Variants in SELENOO observed in about 807,000 individuals in gnomAD.
The protein encoded by SELENOO is selenoprotein O.
In SELENOO, 74 loss-of-function variants were observed where a neutral mutation model predicts 58.7. That is an observed-to-expected ratio of 1.26 (90% CI 1.04 to 1.53). SELENOO has a LOEUF of 1.53. Ranked by LOEUF, SELENOO falls within the 40% of genes most tolerant of loss-of-function variation. The pLI is 0.00. For missense variants in SELENOO, 1,149 were observed against 970.0 expected (o/e 1.18, Z -2.45); for synonymous variants, 543 against 453.2 (o/e 1.20, Z -2.52).
chr22:50,202,838 C>T (rs1056042536), intron 1 of SELENOO, among the ~76,000 whole-genome samples: 2 of 152,168 alleles, frequency 1.3e-5, no homozygotes, highest in Admixed American at 6.5e-5. Flanking sequence ...GGGTCCCTGG[C>T]CTCACCAGTT....
intron 5 of SELENOO, 132 bp from the exon 6 acceptor site, chr22:50,215,570 TGCTGGCGGTGGGGGG>T: frequency 1.9e-6 from 1 of 520,370 alleles, no homozygotes; most frequent in Non-Finnish European, 3.3e-6. Flanking sequence ...TGTGGATCCG[TGCTGGCGGTGGGGGG>T]CGGTGGTGGA....
chr22:50,210,735 C>T lies in SELENOO; in HGVS notation c.1175C>T (p.Ala392Val). 6.2e-7 allele frequency: 1 copy of T among 1,613,546 alleles called. No homozygotes were observed. The highest frequency in any genetic ancestry group is 8.5e-7 in the Non-Finnish European group (1 of 1,180,002). ...TGGAACCTGCGGAAGCTGGCCGAGG[C>T]CCTGCAGCCGGAACTGCCCCTGGAG... ...CRWNLRKLAE[A>V]LQPELPLELG... The change falls in exon 5 of 9, where the codon GCC becomes GTC. Residue 392 changes from alanine (A) to valine (V), a missense_variant. Ala to Val is a moderately conservative substitution (Grantham distance 64). Coordinates refer to ENST00000380903, the MANE Select transcript of SELENOO (RefSeq NM_031454.2).
In SELENOO at chr22:50,215,782, C is replaced by T; in HGVS notation, c.1417C>T (p.Leu473=). 1.9e-6 allele frequency: 3 copies of T among 1,612,654 alleles called. No individual in the cohort carries two copies. Among genetic ancestry groups the T allele is most frequent in the Non-Finnish European group, 2.5e-6 (3 of 1,179,318 alleles). The part of the protein sequence containing the change: ...SFPVELESPG[L]AEFLARLMEQ... ...CCCAGTGGAGCTAGAGTCGCCAGGC[C>T]TGGCGGAATTCCTGGCCAGGCTGAT... Residue 473 remains leucine (L), a synonymous_variant, in exon 6 of 9, where the codon CTG becomes TTG. Transcript: ENST00000380903.
chr22:50,216,086 C>T (rs1569105295), intron 6 of SELENOO, among the ~76,000 whole-genome samples: 3 of 152,122 alleles, frequency 2.0e-5, no homozygotes, highest in Admixed American at 2.0e-4. Flanking sequence ...GGTGTGGGGG[C>T]AGACAGTGGT....
In SELENOO at chr22:50,215,702, C is replaced by T; in HGVS notation, c.1352-15C>T. The T allele has an allele frequency of 6.4e-7, 1 of 1,574,354 alleles. No individual in the cohort carries two copies. Among genetic ancestry groups the T allele is most frequent in the Non-Finnish European group, 8.7e-7 (1 of 1,153,856 alleles). ...GGCCTTCTGCTTCCAGCTCCCTGAG[C>T]AGCCTGTGTTCCAGGTGCCGACTTC... On this transcript the variant is annotated splice_polypyrimidine_tract_variant and intron_variant, in intron 5 of 8. Coordinates refer to ENST00000380903, the MANE Select transcript of SELENOO (RefSeq NM_031454.2).
In SELENOO at chr22:50,203,792, C is replaced by T. The variant is rs376404938; in HGVS notation, c.554+2202C>T. On this transcript the variant is annotated intron_variant, in intron 1 of 8. Coordinates refer to ENST00000380903, the MANE Select transcript of SELENOO (RefSeq NM_031454.2). Reference sequence around the variant, plus strand: ...TGCCTCATGACATTGGATTTGGCAGCGTTCTTGGCTGTGACACAAAAGGCA... The same window carrying T: ...TGCCTCATGACATTGGATTTGGCAGTGTTCTTGGCTGTGACACAAAAGGCA... 6.6e-5 allele frequency among the ~76,000 whole-genome samples: 10 copies of T among 152,250 alleles called. No homozygotes were observed. The South Asian group carries it at 1.5e-3, about 22-fold the overall frequency.
rs1177342924 is a variant in SELENOO at position 50,215,818 on chromosome 22, G to A, written c.1453G>A (p.Ala485Thr). The A allele has an allele frequency of 3.1e-6, 5 of 1,612,586 alleles. No homozygotes were observed. The South Asian group carries it at 4.4e-5, about 14-fold the overall frequency. The stretch of plus-strand genomic sequence containing the variant: ...CCTGGCCAGGCTGATGGAGCAGTGT[G>A]CCTCCCTGGAGGAGCTGAGGCTGGC... ...EFLARLMEQCASLEELRLAFR... is the reference protein window; with the variant it reads ...EFLARLMEQCTSLEELRLAFR... The change falls in exon 6 of 9, where the codon GCC becomes ACC. Residue 485 changes from alanine to threonine, a missense_variant. Physicochemically the swap from Ala to Thr is moderately conservative, Grantham distance 58 (BLOSUM62 0). Coordinates refer to ENST00000380903, the MANE Select transcript of SELENOO (RefSeq NM_031454.2).
At chr22:50,206,837 C>T (rs757925101) in intron 2 of SELENOO, among the ~76,000 whole-genome samples, 1 of 152,160 alleles carries the variant, frequency 6.6e-6, no homozygotes, top group Non-Finnish European at 1.5e-5. Context: ...CTCAAAGCAC[C>T]AGCAGGGGGC....
intron 5 of SELENOO, among the ~76,000 whole-genome samples, chr22:50,211,807 GA>G (rs1160108585): frequency 6.6e-6 from 1 of 152,156 alleles, no homozygotes; most frequent in Admixed American, 6.5e-5. Flanking sequence ...GGGTTCAAGT[GA>G]TTCTCCTGCC....
At chr22:50,206,279 T>G (rs1446981405) in intron 1 of SELENOO, 38 bp from the exon 2 acceptor site, 1 of 1,591,566 alleles carries the variant, frequency 6.3e-7, no homozygotes, top group East Asian at 2.2e-5. Flanking sequence ...GGTGACCTCC[T>G]GACCGGCCCA....
intron 1 of SELENOO, among the ~76,000 whole-genome samples, chr22:50,204,830 C>A (rs535967688): frequency 1.9e-4 from 29 of 152,352 alleles, no homozygotes; most frequent in African/African-American, 6.5e-4. Flanking sequence ...TACCGATATT[C>A]ATGGCCAAAA....
At position 50,208,597 on chromosome 22, in the gene SELENOO, G is replaced by A. The variant is rs778732694; in HGVS notation, c.820G>A (p.Val274Met). 1.9e-5 allele frequency: 31 copies of A among 1,613,838 alleles called. No homozygotes were observed. The highest frequency in any genetic ancestry group is 6.7e-5 in the African/African-American group (5 of 74,934). The change falls in exon 3 of 9, where the codon GTG becomes ATG. Residue 274 changes from valine to methionine, a missense_variant. By Grantham distance (21) the Val-to-Met change is conservative. Transcript: ENST00000380903. ...DEHTGRAGPS[V>M]GRNDIRVQLL... ...GCACACAGGGCGTGCAGGCCCCAGC[G>A]TGGGGAGGAACGACATTCGAGTGCA...
At chr22:50,207,967 G>A (rs2064343344) in intron 2 of SELENOO, among the ~76,000 whole-genome samples, 1 of 150,600 alleles carries the variant, frequency 6.6e-6, no homozygotes, top group South Asian at 2.2e-4. Flanking sequence ...TACACCCATG[G>A]GCCTGCCCGG....
intron 5 of SELENOO, among the ~76,000 whole-genome samples, chr22:50,212,254 A>G (rs545759391): frequency 1.3e-5 from 2 of 152,286 alleles, no homozygotes; most frequent in African/African-American, 4.8e-5. Flanking sequence ...CAGTGAAGCC[A>G]TCTGGTCCTG....
chr22:50,201,499 G>A lies in SELENOO; in HGVS notation c.463G>A (p.Gly155Ser), dbSNP rs745416088. 6 of 1,424,884 alleles carry A rather than the reference G, an allele frequency of 4.2e-6. No homozygotes were observed. The highest frequency in any genetic ancestry group is 1.4e-5 in the South Asian group (1 of 73,162). The allele number at this position is 1,424,884 out of a possible 1,614,324, so 88.3% of individuals were successfully genotyped here. Residue 155 changes from glycine (G) to serine (S), a missense_variant, in exon 1 of 9, where the codon GGC becomes AGC. Gly to Ser is a moderately conservative substitution (Grantham distance 56). Transcript: ENST00000380903. ...FGQFAGQLGD[G>S]AAMYLGEVCT... Reference sequence around the variant, plus strand: ...CCAGTTCGCCGGGCAGCTGGGCGACGGCGCCGCCATGTACCTGGGCGAGGT... The same window carrying A: ...CCAGTTCGCCGGGCAGCTGGGCGACAGCGCCGCCATGTACCTGGGCGAGGT...
At chr22:50,208,903 C>T in intron 3 of SELENOO, 187 bp downstream of exon 3, 1 of 597,764 alleles carries the variant, frequency 1.7e-6, no homozygotes, top group Non-Finnish European at 2.9e-6. Flanking sequence ...CCTGAAACTC[C>T]CCTGGGCTCC....
At chr22:50,216,899 C>G (rs765085975) in intron 7 of SELENOO, 23 bp downstream of exon 7, 1 of 1,603,576 alleles carries the variant, frequency 6.2e-7, no homozygotes. Flanking sequence ...TCCATGGTCA[C>G]CGGGGGACGG....
At chr22:50,209,442 T>TGCAGTCCACCCCA (rs1156371387) in intron 3 of SELENOO, 5 of 152,486 alleles carry the variant, frequency 3.3e-5, no homozygotes, top group African/African-American at 1.2e-4. Flanking sequence ...GCTCCATCCC[T>TGCAGTCCACCCCA]GCAGTCCACC....
At position 50,201,032 on chromosome 22, in the gene SELENOO, C is replaced by T. The variant is rs555926409; in HGVS notation, c.-5C>T. 3.2e-6 allele frequency: 4 copies of T among 1,261,302 alleles called. No individual in the cohort carries two copies. Among genetic ancestry groups the T allele is most frequent in the African/African-American group, 1.6e-5 (1 of 62,856 alleles). 78.1% of individuals were successfully genotyped at this position (1,261,302 alleles called of 1,614,324 possible). A position where few individuals can be genotyped will look rare whatever the true frequency, so the allele number is the denominator to read the frequency against. The stretch of plus-strand genomic sequence containing the variant: ...GGCTGGCTTCCGGCGGGAGCGGGGC[C>T]GCGGATGGCCGTATACAGGGCAGCG... On this transcript the variant is annotated 5_prime_UTR_variant, in exon 1 of 9. Transcript: ENST00000380903.
Sources: gnomAD v4.1 joint callset for allele counts (sites outside exome capture counted in the v4.1 genomes callset) on GRCh38, gnomAD v4.1.1 for gene constraint, MANE v1.5 for transcripts, NCBI Gene and HGNC (gene_info 2026-07-23, HGNC 2026-07-21) for gene names.